The following AR variants were observed in gnomAD, a reference collection of about 807,000 sequenced individuals.
AR encodes the protein androgen receptor, also known as dihydrotestosterone receptor.
In AR, 8 loss-of-function variants were observed where a neutral mutation model predicts 53.9. The ratio of observed to expected loss-of-function variants is 0.15; its 90% CI spans 0.09 to 0.27. The LOEUF (loss-of-function observed/expected upper bound fraction) is 0.27. Among genes scored for constraint, AR ranks in the 10% least tolerant of loss-of-function variants. The probability of loss-of-function intolerance (pLI) is 1.00; values close to 1 mark genes in which losing one functional copy is unlikely to be tolerated. For synonymous variants in AR, 359 were observed against 316.4 expected, an observed-to-expected ratio of 1.13 and a Z score of -1.43; for missense variants, 639 against 742.5, an observed-to-expected ratio of 0.86 and a Z score of 1.62.
intron 1 of AR, among the ~76,000 whole-genome samples, chrX:67,552,923 T>C (rs915604903): frequency 1.8e-5 from 2 of 112,278 alleles, no homozygotes; most frequent in Non-Finnish European, 3.8e-5. Context: ...AAAAAATATA[T>C]TCTGGATACA....
In AR at chrX:67,707,781, C is replaced by T. The variant is rs777628108; in HGVS notation, c.1886-3621C>T. Among the ~76,000 whole-genome samples, 15 of 111,787 alleles carry T rather than the reference C, an allele frequency of 1.3e-4. No homozygotes were observed. The South Asian group carries it at 2.6e-3, about 20-fold the overall frequency. On this transcript the variant is annotated intron_variant, in intron 3 of 7. Coordinates refer to ENST00000374690, the MANE Select transcript of AR (RefSeq NM_000044.6). Reference sequence around the variant, plus strand: ...GGCATGTTTTTGCAGTGGCTGGTACCGGTTGTTCCTTTCCATGTTTAGTGC... The same window carrying T: ...GGCATGTTTTTGCAGTGGCTGGTACTGGTTGTTCCTTTCCATGTTTAGTGC...
chrX:67,628,035 T>C (rs1924798422), intron 1 of AR, among the ~76,000 whole-genome samples: 1 of 111,995 alleles, frequency 8.9e-6, no homozygotes, highest in South Asian at 3.7e-4. Flanking sequence ...TTTTGATTAC[T>C]GTAGCCTTGT....
At chrX:67,547,915 AGTT>A (rs1358299769) in intron 1 of AR, among the ~76,000 whole-genome samples, 1 of 111,933 alleles carries the variant, frequency 8.9e-6, no homozygotes, top group African/African-American at 3.3e-5. Context: ...TCCTCACCGC[AGTT>A]GTTGAGCTTC....
intron 1 of AR, among the ~76,000 whole-genome samples, chrX:67,635,026 C>G (rs1925358578): frequency 9.2e-6 from 1 of 109,045 alleles, no homozygotes; most frequent in Admixed American, 9.9e-5. Context: ...CCCTCCCTCC[C>G]CAACCCCTAT....
At chrX:67,647,411 A>T (rs993791669) in intron 2 of AR, among the ~76,000 whole-genome samples, 4 of 111,966 alleles carry the variant, frequency 3.6e-5, no homozygotes, top group African/African-American at 1.3e-4. Context: ...CTTTAAATCC[A>T]TTCTTTCCCA....
chrX:67,611,957 AT>A (rs766770630), intron 1 of AR, among the ~76,000 whole-genome samples: 80 of 109,445 alleles, frequency 7.3e-4, no homozygotes, highest in East Asian at 3.7e-3. Flanking sequence ...AACTCAGAGA[AT>A]TTTTTTTTTA....
intron 4 of AR, among the ~76,000 whole-genome samples, chrX:67,713,752 A>T (rs2076102476): frequency 8.9e-6 from 1 of 111,897 alleles, no homozygotes; most frequent in South Asian, 3.7e-4. Context: ...ACTTGGGATC[A>T]CTGGGGCTTT....
chrX:67,671,698 C>A (rs756294028), intron 2 of AR, among the ~76,000 whole-genome samples: 3 of 111,963 alleles, frequency 2.7e-5, no homozygotes, highest in African/African-American at 9.7e-5. Flanking sequence ...GATGGTATTG[C>A]CTTGGTTTTC....
At chrX:67,592,079 A>G (rs1309503852) in intron 1 of AR, among the ~76,000 whole-genome samples, 2 of 112,488 alleles carry the variant, frequency 1.8e-5, no homozygotes, top group Non-Finnish European at 3.8e-5. Context: ...TGCTTTGTTG[A>G]TGCAGAACCA....
intron 1 of AR, among the ~76,000 whole-genome samples, chrX:67,629,089 T>G (rs1212810329): frequency 1.8e-5 from 2 of 111,780 alleles, no homozygotes; most frequent in Non-Finnish European, 3.8e-5. Context: ...CATATTGGTC[T>G]AAAATTCTCT....
At chrX:67,666,724 A>G (rs1927282041) in intron 2 of AR, among the ~76,000 whole-genome samples, 1 of 111,861 alleles carries the variant, frequency 8.9e-6, no homozygotes, top group Non-Finnish European at 1.9e-5. Flanking sequence ...AGCATTCATT[A>G]CTGCCTGTTC....
intron 7 of AR, 84 bp from the exon 8 acceptor site, chrX:67,723,602 C>A (rs1266978898): frequency 4.5e-6 from 5 of 1,111,603 alleles, no homozygotes; most frequent in Non-Finnish European, 6.2e-6. Context: ...GGCTGAAAGA[C>A]CAAAAATCAG....
chrX:67,557,894 C>G (rs1470652784), intron 1 of AR, among the ~76,000 whole-genome samples: 1 of 112,404 alleles, frequency 8.9e-6, no homozygotes, highest in East Asian at 2.8e-4. Flanking sequence ...TTTTACTGAA[C>G]CACATACCAA....
chrX:67,651,418 G>T (rs184371453), intron 2 of AR, among the ~76,000 whole-genome samples: 5 of 110,911 alleles, frequency 4.5e-5, no homozygotes, highest in African/African-American at 1.3e-4. Context: ...TTGGTACAGA[G>T]TGAGAGGTTA....
At chrX:67,584,180 T>C (rs1922421309) in intron 1 of AR, among the ~76,000 whole-genome samples, 1 of 111,831 alleles carries the variant, frequency 8.9e-6, no homozygotes, top group African/African-American at 3.3e-5. Context: ...ACTGAGGCCC[T>C]CTCCCTACCC....
chrX:67,688,268 C>T (rs2075977701), intron 3 of AR, among the ~76,000 whole-genome samples: 1 of 111,478 alleles, frequency 9.0e-6, no homozygotes, highest in Non-Finnish European at 1.9e-5. Flanking sequence ...ATGGCCTTGC[C>T]TTTAGAGTCA....
chrX:67,641,950 A>G (rs1244907284), intron 1 of AR, among the ~76,000 whole-genome samples: 1 of 109,419 alleles, frequency 9.1e-6, no homozygotes, highest in African/African-American at 3.3e-5. Flanking sequence ...TGAGAAGACA[A>G]TAGGGTAATG....
At chrX:67,583,734 A>T (rs1922396795) in intron 1 of AR, among the ~76,000 whole-genome samples, 1 of 112,257 alleles carries the variant, frequency 8.9e-6, no homozygotes, top group Non-Finnish European at 1.9e-5. Flanking sequence ...CTCAAGTAGT[A>T]TGTCAGAGTG....
chrX:67,728,574 AATATATATATATATATATATAT>A lies in AR; in HGVS notation c.*4753_*4774del, dbSNP rs10666509. On this transcript the variant is annotated 3_prime_UTR_variant, in exon 8 of 8. Coordinates refer to ENST00000374690, the MANE Select transcript of AR (RefSeq NM_000044.6). ...ATTTGTATCCATGTTTCAAAATTGA[AATATATATATATATATATATAT>A]ATATATATATATATATATAGTGTGT... The A allele has an allele frequency of 4.7e-4, 14 of 29,872 alleles. 1 individual carries two copies. Among genetic ancestry groups the A allele is most frequent in the East Asian group, 3.8e-3 (3 of 785 alleles). The allele number at this position is 29,872 out of a possible 1,213,427, so 2.5% of individuals were successfully genotyped here. A position where few individuals can be genotyped will look rare whatever the true frequency, so the allele number is the denominator to read the frequency against.
Sources: gnomAD v4.1 joint callset for allele counts (sites outside exome capture counted in the v4.1 genomes callset) on GRCh38, gnomAD v4.1.1 for gene constraint, MANE v1.5 for transcripts, NCBI Gene and HGNC (gene_info 2026-07-23, HGNC 2026-07-21) for gene names.